Variants in BLTP3B observed in about 807,000 individuals in gnomAD.
BLTP3B encodes the protein bridge-like lipid transfer protein family member 3B.
the BLTP3B span, among the ~76,000 whole-genome samples, chr12:100,085,541 T>G: frequency 6.6e-6 from 1 of 152,118 alleles, no homozygotes; most frequent in Admixed American, 6.6e-5. Flanking sequence ...ATCATACAAC[T>G]TTTAAATTTA....
At chr12:100,050,848 G>A in the BLTP3B span, among the ~76,000 whole-genome samples, 6 of 151,594 alleles carry the variant, frequency 4.0e-5, no homozygotes, top group South Asian at 8.4e-4. Flanking sequence ...AAGCAATACA[G>A]AAAAAAGAAA....
At chr12:100,091,183 ATTTTTTTT>A in the BLTP3B span, among the ~76,000 whole-genome samples, 4 of 81,218 alleles carry the variant, frequency 4.9e-5, no homozygotes, top group Non-Finnish European at 6.6e-5. Context: ...CGCCTGGCTA[ATTTTTTTT>A]TTTTTTTTTT....
At chr12:100,084,638 T>C in the BLTP3B span, 15 of 1,613,918 alleles carry the variant, frequency 9.3e-6, no homozygotes, top group Non-Finnish European at 1.2e-5. Flanking sequence ...CTAAAATACA[T>C]CCAATGATTA....
the BLTP3B span, among the ~76,000 whole-genome samples, chr12:100,078,495 G>A: frequency 3.9e-5 from 6 of 152,138 alleles, no homozygotes; most frequent in South Asian, 1.2e-3. Context: ...GATAGTTTAT[G>A]ATAGCAAAAC....
the BLTP3B span, chr12:100,037,778 G>T: frequency 2.6e-6 from 4 of 1,559,724 alleles, no homozygotes; most frequent in South Asian, 1.2e-5. Context: ...ATGGCGGGGG[G>T]ATAAGATAAT....
the BLTP3B span, among the ~76,000 whole-genome samples, chr12:100,064,103 C>T: frequency 6.6e-6 from 1 of 152,020 alleles, no homozygotes; most frequent in African/African-American, 2.4e-5. Context: ...ATCAAAACTT[C>T]AGGAATAAAT....
At chr12:100,068,309 A>C in the BLTP3B span, among the ~76,000 whole-genome samples, 1 of 152,226 alleles carries the variant, frequency 6.6e-6, no homozygotes, top group Non-Finnish European at 1.5e-5. Context: ...GGGAGAATGA[A>C]ACTGGATCTT....
the BLTP3B span, among the ~76,000 whole-genome samples, chr12:100,124,936 T>TTTTATATA: frequency 1.1e-4 from 6 of 56,532 alleles, no homozygotes; most frequent in Admixed American, 3.0e-4. Context: ...AAAAAAAATT[T>TTTTATATA]TATATATATA....
chr12:100,137,900 T>A, the BLTP3B span, among the ~76,000 whole-genome samples: 1 of 152,324 alleles, frequency 6.6e-6, no homozygotes, highest in African/African-American at 2.4e-5. Flanking sequence ...ATTTTTGCTG[T>A]ACAACCCTTT....
At chr12:100,047,718 T>C in the BLTP3B span, 1 of 1,165,930 alleles carries the variant, frequency 8.6e-7, no homozygotes, top group Non-Finnish European at 1.3e-6. Context: ...ACATGTATCT[T>C]TATATGTTTC....
At chr12:100,077,943 A>C in the BLTP3B span, among the ~76,000 whole-genome samples, 3 of 152,200 alleles carry the variant, frequency 2.0e-5, no homozygotes, top group Non-Finnish European at 4.4e-5. Flanking sequence ...AAAGCAAAAA[A>C]GGCATTTTAG....
At chr12:100,101,000 T>C in the BLTP3B span, among the ~76,000 whole-genome samples, 1 of 152,126 alleles carries the variant, frequency 6.6e-6, no homozygotes, top group South Asian at 2.1e-4. Flanking sequence ...TATGATACTA[T>C]AAAAACAAGA....
At chr12:100,080,990 GTGAA>G in the BLTP3B span, among the ~76,000 whole-genome samples, 24 of 152,204 alleles carry the variant, frequency 1.6e-4, no homozygotes, top group Non-Finnish European at 3.1e-4. Context: ...TCTTGTGGTA[GTGAA>G]TGAGTCTCAT....
the BLTP3B span, among the ~76,000 whole-genome samples, chr12:100,054,905 A>G: frequency 6.6e-6 from 1 of 152,216 alleles, no homozygotes; most frequent in Non-Finnish European, 1.5e-5. Flanking sequence ...CTAAATCTAT[A>G]GAAAAGTGAT....
chr12:100,051,986 C>A, the BLTP3B span: 1 of 151,296 alleles, frequency 6.6e-6, no homozygotes, highest in Admixed American at 6.6e-5. Context: ...GTAGAGACTG[C>A]GGTGAGCCAA....
chr12:100,081,178 T>C, the BLTP3B span, among the ~76,000 whole-genome samples: 3 of 152,138 alleles, frequency 2.0e-5, no homozygotes, highest in Admixed American at 1.3e-4. Context: ...AATTGCCCAG[T>C]CTCGGGTATG....
chr12:100,059,640 A>G, the BLTP3B span: 4 of 1,275,104 alleles, frequency 3.1e-6, no homozygotes, highest in African/African-American at 4.5e-5. Context: ...CTTTCCCCCA[A>G]AATACTACTT....
chr12:100,047,646 A>G, the BLTP3B span: 6 of 1,559,114 alleles, frequency 3.8e-6, no homozygotes, highest in Admixed American at 8.4e-5. Flanking sequence ...ATCCTACAGG[A>G]AAGAAAAATA....
chr12:100,104,251 C>T, the BLTP3B span, among the ~76,000 whole-genome samples: 19 of 142,728 alleles, frequency 1.3e-4, no homozygotes, highest in Admixed American at 6.5e-4. Flanking sequence ...GTTGCCCAGA[C>T]TGGAGTGCAG....
Sources: gnomAD v4.1 joint callset for allele counts (sites outside exome capture counted in the v4.1 genomes callset) on GRCh38, gnomAD v4.1.1 for gene constraint, MANE v1.5 for transcripts, NCBI Gene and HGNC (gene_info 2026-07-23, HGNC 2026-07-21) for gene names.